The following FUT9 variants were observed in gnomAD, a reference collection of about 807,000 sequenced individuals.
FUT9 encodes 4-galactosyl-N-acetylglucosaminide 3-alpha-L-fucosyltransferase 9.
Under a neutral mutation model 29.7 loss-of-function variants are expected in FUT9, and 15 were observed. That is an observed-to-expected ratio of 0.51 (90% confidence interval 0.34 to 0.78). The LOEUF (loss-of-function observed/expected upper bound fraction) is 0.78. FUT9 is among the 30% of genes least tolerant of loss of function. FUT9 has a pLI of 0.01. For missense variants in FUT9, 319 were observed against 425.4 expected (o/e 0.75, Z 2.20); for synonymous variants, 169 against 153.7 (o/e 1.10, Z -0.74).
At chr6:96,037,260 G>C (rs1442762856) in intron 1 of FUT9, 2 of 151,962 alleles carry the variant, frequency 1.3e-5, no homozygotes, top group Non-Finnish European at 2.9e-5. Flanking sequence ...AGTAAACTAA[G>C]GTCTAAGGAA....
chr6:96,061,595 C>T (rs1013098250), intron 1 of FUT9, among the ~76,000 whole-genome samples: 1 of 151,876 alleles, frequency 6.6e-6, no homozygotes, highest in Non-Finnish European at 1.5e-5. Flanking sequence ...ATTTTTAATG[C>T]TTTTTATATT....
At chr6:96,034,410 C>T (rs771230540) in intron 1 of FUT9, among the ~76,000 whole-genome samples, 20 of 150,054 alleles carry the variant, frequency 1.3e-4, no homozygotes, top group Non-Finnish European at 2.2e-4. Context: ...ATCAAACTGG[C>T]GGAGAAAAAA....
At chr6:96,132,085 T>C (rs969034647) in intron 2 of FUT9, among the ~76,000 whole-genome samples, 2 of 152,112 alleles carry the variant, frequency 1.3e-5, no homozygotes, top group African/African-American at 4.8e-5. Context: ...CTCTACAAAA[T>C]GCCCACGTTA....
intron 2 of FUT9, among the ~76,000 whole-genome samples, chr6:96,153,271 G>A (rs572801459): frequency 1.4e-4 from 22 of 152,272 alleles, no homozygotes; most frequent in African/African-American, 4.8e-4. Context: ...ATCTGGGACT[G>A]TATTCCCTTC....
intron 1 of FUT9, among the ~76,000 whole-genome samples, chr6:96,038,711 T>G (rs1770404737): frequency 6.6e-6 from 1 of 152,174 alleles, no homozygotes; most frequent in Non-Finnish European, 1.5e-5. Context: ...GATATCAGGA[T>G]AGTGTTTGAA....
chr6:96,029,485 G>A (rs1770224295), intron 1 of FUT9, among the ~76,000 whole-genome samples: 1 of 151,550 alleles, frequency 6.6e-6, no homozygotes, highest in Non-Finnish European at 1.5e-5. Context: ...CTAAGCACAA[G>A]GCTAGAGGAA....
At chr6:96,050,428 C>A (rs1185690190) in intron 1 of FUT9, among the ~76,000 whole-genome samples, 4 of 152,214 alleles carry the variant, frequency 2.6e-5, no homozygotes, top group Non-Finnish European at 4.4e-5. Context: ...GTTTTTCAGT[C>A]ATGAGCAACT....
chr6:96,202,701 C>T (rs536418407), intron 2 of FUT9, among the ~76,000 whole-genome samples: 36 of 152,124 alleles, frequency 2.4e-4, no homozygotes, highest in Non-Finnish European at 4.1e-4. Context: ...TAACGAATTC[C>T]ATCTGAACCA....
intron 1 of FUT9, among the ~76,000 whole-genome samples, chr6:96,097,367 G>T (rs1771518219): frequency 6.6e-6 from 1 of 152,096 alleles, no homozygotes; most frequent in African/African-American, 2.4e-5. Flanking sequence ...GACATATGTA[G>T]GTAGCTTGGA....
chr6:96,177,418 A>G (rs951904238), intron 2 of FUT9, among the ~76,000 whole-genome samples: 2 of 152,142 alleles, frequency 1.3e-5, no homozygotes, highest in African/African-American at 4.8e-5. Flanking sequence ...CAGTCCTCCT[A>G]GATAGGTATT....
chr6:96,021,978 G>C (rs554687756), intron 1 of FUT9, among the ~76,000 whole-genome samples: 2 of 152,132 alleles, frequency 1.3e-5, no homozygotes, highest in East Asian at 3.9e-4. Context: ...TTTTACATGA[G>C]AGGGAAAAAT....
chr6:96,055,990 C>T (rs775963657), intron 1 of FUT9, among the ~76,000 whole-genome samples: 19 of 150,598 alleles, frequency 1.3e-4, no homozygotes, highest in Admixed American at 8.0e-4. Context: ...AGTAGTATAT[C>T]AAAGTCTTGC....
intron 2 of FUT9, among the ~76,000 whole-genome samples, chr6:96,169,825 T>C (rs1773079769): frequency 1.3e-5 from 2 of 152,150 alleles, no homozygotes; most frequent in African/African-American, 2.4e-5. Flanking sequence ...TTTTTCTCCT[T>C]TTGAAAAGAA....
At chr6:96,051,969 C>T (rs1770678946) in intron 1 of FUT9, among the ~76,000 whole-genome samples, 2 of 152,094 alleles carry the variant, frequency 1.3e-5, no homozygotes, top group South Asian at 2.1e-4. Context: ...TATATTAGTT[C>T]CTTCTTAAGC....
intron 1 of FUT9, among the ~76,000 whole-genome samples, chr6:96,113,580 G>A (rs1208698041): frequency 6.6e-6 from 1 of 151,790 alleles, no homozygotes; most frequent in African/African-American, 2.4e-5. Context: ...ATCGGGCTGG[G>A]TGCGGTGGCT....
chr6:96,173,903 A>T (rs1279432726), intron 2 of FUT9, among the ~76,000 whole-genome samples: 1 of 152,108 alleles, frequency 6.6e-6, no homozygotes, highest in Non-Finnish European at 1.5e-5. Context: ...TTCTATTAAA[A>T]AACCATTTTG....
rs367659719 is a variant in FUT9 at position 96,016,038 on chromosome 6, A to G, written c.-272A>G. On this transcript the variant is annotated 5_prime_UTR_variant, in exon 1 of 3. Coordinates refer to ENST00000302103, the MANE Select transcript of FUT9 (RefSeq NM_006581.4). The stretch of plus-strand genomic sequence containing the variant: ...AGAGCGCGCGCGGCGCAGCAGCTCC[A>G]GATTCACTGCTCTCCCCTGCAGCTC... The G allele has an allele frequency of 9.6e-3, 1,459 of 152,056 alleles. 12 individuals carry two copies. Among genetic ancestry groups the G allele is most frequent in the Non-Finnish European group, 0.014 (956 of 68,206 alleles). 9.4% of individuals were successfully genotyped at this position (152,056 alleles called of 1,614,324 possible).
At chr6:96,193,757 T>A (rs2127989373) in intron 2 of FUT9, among the ~76,000 whole-genome samples, 1 of 152,302 alleles carries the variant, frequency 6.6e-6, no homozygotes, top group South Asian at 2.1e-4. Context: ...TGCACATGTA[T>A]GTTTATTGTG....
intron 1 of FUT9, among the ~76,000 whole-genome samples, chr6:96,050,965 A>T (rs1393129673): frequency 6.6e-6 from 1 of 152,028 alleles, no homozygotes. Context: ...TGATGTGTGC[A>T]TATATTGTCC....
Sources: allele counts gnomAD v4.1 joint callset (sites outside exome capture counted in the v4.1 genomes callset), GRCh38; gene constraint gnomAD v4.1.1; transcripts MANE v1.5; gene names NCBI Gene and HGNC (gene_info 2026-07-23, HGNC 2026-07-21).